DOCK1: variants seen among roughly 807,000 people sequenced by gnomAD.
DOCK1 encodes dedicator of cytokinesis protein 1.
DOCK1 carries 138 observed loss-of-function variants against 262.7 expected under a neutral mutation model. The ratio of observed to expected loss-of-function variants is 0.53; its 90% CI spans 0.46 to 0.61. The LOEUF (loss-of-function observed/expected upper bound fraction) is 0.61, where lower values mean the gene tolerates loss of function less well. DOCK1 is among the 20% of genes least tolerant of loss of function. The pLI, the probability that DOCK1 is intolerant of heterozygous loss-of-function variation, is 0.00. For synonymous variants in DOCK1, 866 were observed against 867.4 expected, an observed-to-expected ratio of 1.00 and a Z score of 0.03; for missense variants, 1,908 against 2,370.7, an observed-to-expected ratio of 0.80 and a Z score of 4.05.
rs114118600 is a variant in DOCK1 at position 127,401,904 on chromosome 10, G to A, written c.3928-1151G>A. Among the ~76,000 whole-genome samples, 547 of 152,268 alleles carry A rather than the reference G, an allele frequency of 3.6e-3. 3 individuals carry two copies. Among genetic ancestry groups the A allele is most frequent in the African/African-American group, 0.012 (488 of 41,548 alleles). On this transcript the variant is annotated intron_variant, in intron 38 of 51. Transcript: ENST00000623213. The stretch of plus-strand genomic sequence containing the variant: ...CTTGATCTTTTTTTGTGCAGCAGGC[G>A]GGTGGGGGCTCAGTGCCAAGGGTAG...
intron 27 of DOCK1, among the ~76,000 whole-genome samples, chr10:127,128,650 C>T (rs1421842753): frequency 6.6e-6 from 1 of 152,094 alleles, no homozygotes; most frequent in Non-Finnish European, 1.5e-5. Flanking sequence ...GTTTGGTGTT[C>T]TGGTCCTGTG....
At chr10:127,218,198 A>C (rs1378774080) in intron 27 of DOCK1, among the ~76,000 whole-genome samples, 1 of 152,240 alleles carries the variant, frequency 6.6e-6, no homozygotes, top group African/African-American at 2.4e-5. Flanking sequence ...TACAACTATA[A>C]TTTGACCTAA....
At chr10:127,041,880 T>G (rs1413647815) in intron 19 of DOCK1, among the ~76,000 whole-genome samples, 1 of 152,198 alleles carries the variant, frequency 6.6e-6, no homozygotes. Context: ...CTTCTTGACC[T>G]TCTCTTCTAA....
At chr10:126,910,571 C>A (rs141434304) in intron 1 of DOCK1, among the ~76,000 whole-genome samples, 11 of 152,090 alleles carry the variant, frequency 7.2e-5, no homozygotes, top group South Asian at 2.1e-4. Flanking sequence ...TAGCCAAATG[C>A]GGGTGTAAAA....
chr10:127,206,504 A>C (rs893222741), intron 27 of DOCK1, among the ~76,000 whole-genome samples: 1 of 152,136 alleles, frequency 6.6e-6, no homozygotes, highest in African/African-American at 2.4e-5. Flanking sequence ...TACGCTATCA[A>C]TGTACAGAAT....
At chr10:127,292,329 C>T (rs1388594045) in intron 29 of DOCK1, among the ~76,000 whole-genome samples, 1 of 152,118 alleles carries the variant, frequency 6.6e-6, no homozygotes, top group Non-Finnish European at 1.5e-5. Flanking sequence ...GGCCCTAAGA[C>T]CTTAGTGACT....
intron 27 of DOCK1, among the ~76,000 whole-genome samples, chr10:127,148,815 C>T (rs772082010): frequency 1.3e-5 from 2 of 152,128 alleles, no homozygotes; most frequent in African/African-American, 4.8e-5. Context: ...CTAAAGAAAA[C>T]GGAAACTGGA....
chr10:127,283,903 G>A (rs985538949), intron 29 of DOCK1, among the ~76,000 whole-genome samples: 2 of 152,080 alleles, frequency 1.3e-5, no homozygotes, highest in African/African-American at 2.4e-5. Flanking sequence ...CCCAGAAGTC[G>A]GATTACTGGG....
chr10:127,252,759 T>A (rs35974447), intron 28 of DOCK1, among the ~76,000 whole-genome samples: 49,674 of 150,502 alleles, frequency 0.33, 9,442 homozygotes, highest in South Asian at 0.56. Context: ...TCTGTTTTGG[T>A]ACCAGTACCA....
In DOCK1 at chr10:127,078,905, G is replaced by A. The variant is rs552873712; in HGVS notation, c.2445+17129G>A. 2.6e-5 allele frequency among the ~76,000 whole-genome samples: 4 copies of A among 152,184 alleles called. No homozygotes were observed. The South Asian group carries it at 8.3e-4, about 32-fold the overall frequency. Reference sequence around the variant, plus strand: ...TTCCTTGTTCTCATACTTAAAGACAGCGTGTTGGGAGCGGTATATTGCTGT... The same window carrying A: ...TTCCTTGTTCTCATACTTAAAGACAACGTGTTGGGAGCGGTATATTGCTGT... On this transcript the variant is annotated intron_variant, in intron 23 of 51. Coordinates refer to ENST00000623213, the MANE Select transcript of DOCK1 (RefSeq NM_001290223.2).
At chr10:126,928,064 G>A (rs962144617) in intron 1 of DOCK1, among the ~76,000 whole-genome samples, 12 of 152,334 alleles carry the variant, frequency 7.9e-5, no homozygotes, top group African/African-American at 2.6e-4. Flanking sequence ...GAGGGGCTAA[G>A]TGTTCTCAGC....
chr10:127,188,318 T>C (rs2056461980), intron 27 of DOCK1, among the ~76,000 whole-genome samples: 1 of 152,236 alleles, frequency 6.6e-6, no homozygotes. Flanking sequence ...AATTATGGGA[T>C]GGCAAATTCC....
At chr10:126,922,167 A>T (rs2033262190) in intron 1 of DOCK1, among the ~76,000 whole-genome samples, 3 of 147,784 alleles carry the variant, frequency 2.0e-5, no homozygotes, top group African/African-American at 7.5e-5. Context: ...CAGAGATTGC[A>T]TCACTGCATT....
intron 12 of DOCK1, among the ~76,000 whole-genome samples, chr10:127,014,219 G>T (rs1303048310): frequency 6.6e-6 from 1 of 152,238 alleles, no homozygotes; most frequent in Non-Finnish European, 1.5e-5. Context: ...AGAGGTGTGG[G>T]ACATTTTATG....
At chr10:127,390,195 G>A (rs544762188) in intron 38 of DOCK1, among the ~76,000 whole-genome samples, 1 of 152,172 alleles carries the variant, frequency 6.6e-6, no homozygotes, top group African/African-American at 2.4e-5. Flanking sequence ...ACATTACTCA[G>A]TCTCAGATAT....
At chr10:127,383,992 G>T (rs1053784561) in intron 37 of DOCK1, among the ~76,000 whole-genome samples, 4 of 152,026 alleles carry the variant, frequency 2.6e-5, no homozygotes, top group Admixed American at 2.6e-4. Flanking sequence ...CCTAGCTCAC[G>T]CAGTGTTGTT....
chr10:127,392,191 G>C (rs551458757), intron 38 of DOCK1, among the ~76,000 whole-genome samples: 2 of 151,662 alleles, frequency 1.3e-5, no homozygotes, highest in Non-Finnish European at 2.9e-5. Context: ...TCAAACTTTC[G>C]TGGCTTTTGG....
chr10:127,433,331 C>T lies in DOCK1; in HGVS notation c.4963C>T (p.Arg1655Trp), dbSNP rs777880965. 24 of 1,613,872 alleles carry T rather than the reference C, an allele frequency of 1.5e-5. No homozygotes were observed. The highest frequency in any genetic ancestry group is 4.5e-5 in the East Asian group (2 of 44,866). Residue 1655 changes from arginine (R) to tryptophan (W), a missense_variant, in exon 48 of 52, where the codon CGG (arginine) becomes TGG (tryptophan). Physicochemically the swap from Arg to Trp is moderately radical, Grantham distance 101. Coordinates refer to ENST00000623213, the MANE Select transcript of DOCK1 (RefSeq NM_001290223.2). ...RRGSRPRSMV[R>W]SFTMPSSSRP... ...AGGCAGCCGCCCCCGGTCCATGGTG[C>T]GGTCCTTCACGATGCCTTCCTCATC...
At chr10:127,213,891 G>A (rs2134360179) in intron 27 of DOCK1, among the ~76,000 whole-genome samples, 1 of 152,282 alleles carries the variant, frequency 6.6e-6, no homozygotes, top group East Asian at 1.9e-4. Flanking sequence ...CCAGGCTGGA[G>A]TGCAGTGGCG....
Sources: gnomAD v4.1 joint callset for allele counts (sites outside exome capture counted in the v4.1 genomes callset) on GRCh38, gnomAD v4.1.1 for gene constraint, MANE v1.5 for transcripts, NCBI Gene and HGNC (gene_info 2026-07-23, HGNC 2026-07-21) for gene names.